POSTN: variants seen among roughly 807,000 people sequenced by gnomAD.
POSTN encodes the protein periostin.
A neutral mutation model predicts 104.5 loss-of-function variants in POSTN; 71 were observed. The observed-to-expected ratio is 0.68, with a 90% CI of 0.56 to 0.83. POSTN has a LOEUF of 0.83. Among genes scored for constraint, POSTN ranks in the 40% least tolerant of loss-of-function variants. The pLI, the probability that POSTN is intolerant of heterozygous loss-of-function variation, is 0.00. For synonymous variants in POSTN, 355 were observed against 340.7 expected (o/e 1.04, Z -0.46); for missense variants, 949 against 1,006.8 (o/e 0.94, Z 0.78).
intron 10 of POSTN, among the ~76,000 whole-genome samples, chr13:37,581,765 G>T (rs1244660123): frequency 6.6e-6 from 1 of 151,766 alleles, no homozygotes; most frequent in Non-Finnish European, 1.5e-5. Context: ...TTAGAGTCCA[G>T]AAATCTCTAT....
chr13:37,581,546 C>T (rs533948185), intron 10 of POSTN, among the ~76,000 whole-genome samples: 5 of 152,130 alleles, frequency 3.3e-5, no homozygotes, highest in African/African-American at 1.2e-4. Context: ...GTAGCAAGAC[C>T]CTGTCTCAAG....
rs145106542 is a variant in POSTN, at chr13:37,592,590, G to A, written c.219-426C>T. ...TGGGATTACAGGCATGAGCCACTGC[G>A]CCCGGCCGATTTTTTCTATATTTCT... On this transcript the variant is annotated intron_variant, in intron 2 of 22. Transcript: ENST00000379747. 3.5e-3 allele frequency among the ~76,000 whole-genome samples: 532 copies of A among 152,188 alleles called. 2 individuals carry two copies. The highest frequency in any genetic ancestry group is 0.012 in the African/African-American group (502 of 41,522).
In POSTN at chr13:37,562,677, G is replaced by C. The variant is rs1181614423; in HGVS notation, c.*656C>G. The C allele has an allele frequency of 6.6e-6, 1 of 152,032 alleles. No individual in the cohort carries two copies. Among genetic ancestry groups the C allele is most frequent in the East Asian group, 1.9e-4 (1 of 5,186 alleles). 9.4% of individuals were successfully genotyped at this position (152,032 alleles called of 1,614,324 possible). The stretch of plus-strand genomic sequence containing the variant: ...CAAACCACTTTTTAACTTAAATCTT[G>C]AGTTTTTCTGAATTACTCAATTTGA... On this transcript the variant is annotated 3_prime_UTR_variant, in exon 23 of 23. Transcript: ENST00000379747.
At chr13:37,588,034 G>A in intron 4 of POSTN, 48 bp from the exon 5 acceptor site, 6 of 1,441,646 alleles carry the variant, frequency 4.2e-6, no homozygotes, top group Non-Finnish European at 5.8e-6. Flanking sequence ...TGGAACATTA[G>A]TAAAAGTCTT....
chr13:37,586,064 G>T, intron 7 of POSTN, 75 bp downstream of exon 7: 4 of 1,349,940 alleles, frequency 3.0e-6, no homozygotes, highest in Non-Finnish European at 4.0e-6. Flanking sequence ...TAATATTATT[G>T]GTAAGGACTA....
chr13:37,579,767 G>C, intron 12 of POSTN, 94 bp downstream of exon 12: 2 of 1,360,934 alleles, frequency 1.5e-6, no homozygotes, highest in Non-Finnish European at 2.0e-6. Context: ...CAGAGAGGGG[G>C]CATTTTTAAG....
chr13:37,581,131 G>A (rs546008444), intron 10 of POSTN, among the ~76,000 whole-genome samples: 13 of 152,216 alleles, frequency 8.5e-5, no homozygotes, highest in African/African-American at 2.9e-4. Context: ...ATCATTGTAA[G>A]TCAAATCATT....
intron 16 of POSTN, 110 bp from the exon 17 acceptor site, chr13:37,574,762 A>T (rs1690288908): frequency 6.1e-6 from 8 of 1,307,446 alleles, no homozygotes; most frequent in Non-Finnish European, 8.0e-6. Context: ...AAGGCACAGG[A>T]TGTGGTAATA....
At chr13:37,570,736 G>T in intron 18 of POSTN, 67 bp from the exon 19 acceptor site, 2 of 965,424 alleles carry the variant, frequency 2.1e-6, no homozygotes, top group South Asian at 1.4e-5. Flanking sequence ...CCATAAGCTA[G>T]ACATTGTAAT....
chr13:37,594,203 T>C (rs1566037130), intron 2 of POSTN, among the ~76,000 whole-genome samples: 1 of 152,126 alleles, frequency 6.6e-6, no homozygotes, highest in Non-Finnish European at 1.5e-5. Flanking sequence ...TTGTAAACAA[T>C]TTAAAAAATG....
chr13:37,579,284 G>A lies in POSTN; in HGVS notation c.1736C>T (p.Pro579Leu). The A allele has an allele frequency of 1.2e-6, 2 of 1,607,618 alleles. No homozygotes were observed. The highest frequency in any genetic ancestry group is 1.7e-6 in the Non-Finnish European group (2 of 1,174,312). Residue 579 changes from proline (P) to leucine (L), a missense_variant, in exon 13 of 23, where the codon CCT becomes CTT. Pro to Leu is a moderately conservative substitution (Grantham distance 98). Coordinates refer to ENST00000379747, the MANE Select transcript of POSTN (RefSeq NM_006475.3). ...PGVFIGKGFE[P>L]GVTNILKTTQ... ...GGTCTTTAAAATGTTAGTAACACCAGGTTCAAATCCTTTTCCAATGAAAAC... is the reference window on the plus strand; with the variant it reads ...GGTCTTTAAAATGTTAGTAACACCAAGTTCAAATCCTTTTCCAATGAAAAC...
In POSTN at chr13:37,563,481, A is replaced by T. The variant is rs115549486; in HGVS notation, c.2474-111T>A. The T allele has an allele frequency of 2.5e-3, 1,246 of 496,316 alleles. 14 individuals carry two copies. The highest frequency in any genetic ancestry group is 0.023 in the African/African-American group (1,152 of 50,048). The allele number at this position is 496,316 out of a possible 1,614,324, so 30.7% of individuals were successfully genotyped here. On this transcript the variant is annotated intron_variant, in intron 22 of 22. Transcript: ENST00000379747. ...CAGAGGCCATTATTTTTTGTAATAA[A>T]CCTTAGATTATGTTTTCTTAATATC...
intron 2 of POSTN, among the ~76,000 whole-genome samples, chr13:37,594,595 A>G (rs185266810): frequency 1.0e-3 from 155 of 152,270 alleles, no homozygotes; most frequent in Non-Finnish European, 1.9e-3. Context: ...AGTATCTAAC[A>G]TTTCATGAGA....
At position 37,583,995 on chromosome 13, in the gene POSTN, A is replaced by G; in HGVS notation, c.1217T>C (p.Leu406Pro). Reference protein sequence around the residue: ...ALRPDGEYTLLAPVNNAFSDD... With the variant: ...ALRPDGEYTLPAPVNNAFSDD... ...AGAAAATGCATTATTCACAGGTGCCAGCAAAGTGTATTCTCCATCTGGCCT... is the reference window on the plus strand; with the variant it reads ...AGAAAATGCATTATTCACAGGTGCCGGCAAAGTGTATTCTCCATCTGGCCT... The change falls in exon 9 of 23, where the codon CTG becomes CCG. Residue 406 changes from leucine to proline, a missense_variant. Physicochemically the swap from Leu to Pro is moderately conservative, Grantham distance 98. Coordinates refer to ENST00000379747, the MANE Select transcript of POSTN (RefSeq NM_006475.3). 2 of 1,613,952 alleles carry G rather than the reference A, an allele frequency of 1.2e-6. No homozygotes were observed. Among genetic ancestry groups the G allele is most frequent in the Non-Finnish European group, 1.7e-6 (2 of 1,179,904 alleles).
At chr13:37,568,318 A>T (rs962900551) in intron 21 of POSTN, among the ~76,000 whole-genome samples, 3 of 152,144 alleles carry the variant, frequency 2.0e-5, no homozygotes, top group Admixed American at 2.0e-4. Context: ...TACGTTTATT[A>T]AACTACAGAA....
intron 19 of POSTN, 43 bp from the exon 20 acceptor site, chr13:37,569,864 A>C: frequency 2.3e-6 from 3 of 1,308,438 alleles, no homozygotes; most frequent in Non-Finnish European, 3.3e-6. Flanking sequence ...AGAAGTAGGC[A>C]AACTTCTTCT....
At chr13:37,589,160 G>C (rs1481233400) in intron 4 of POSTN, among the ~76,000 whole-genome samples, 1 of 152,036 alleles carries the variant, frequency 6.6e-6, no homozygotes, top group African/African-American at 2.4e-5. Context: ...TATATCCAAG[G>C]ATAAATGCTA....
chr13:37,595,960 G>A (rs1951074427), intron 2 of POSTN, among the ~76,000 whole-genome samples: 1 of 151,432 alleles, frequency 6.6e-6, no homozygotes, highest in Non-Finnish European at 1.5e-5. Flanking sequence ...CACCACATCC[G>A]GCTAATTTTT....
rs772586596 is a variant in POSTN at position 37,574,552 on chromosome 13, T to C, written c.2089+20A>G. On this transcript the variant is annotated intron_variant, in intron 17 of 22. Transcript: ENST00000379747. ...GATGTTTTTACTATAAAAGGAACCA[T>C]GTATAACATTGATTTTTACCTTCAG... 6.3e-7 allele frequency: 1 copy of C among 1,580,772 alleles called. No individual in the cohort carries two copies. Among genetic ancestry groups the C allele is most frequent in the Non-Finnish European group, 8.6e-7 (1 of 1,169,246 alleles).
Sources: allele counts gnomAD v4.1 joint callset (sites outside exome capture counted in the v4.1 genomes callset), GRCh38; gene constraint gnomAD v4.1.1; transcripts MANE v1.5; gene names NCBI Gene and HGNC (gene_info 2026-07-23, HGNC 2026-07-21).